The following COL26A1 variants were observed in gnomAD, a reference collection of about 807,000 sequenced individuals.
The protein encoded by COL26A1 is collagen type XXVI alpha 1 chain.
A neutral mutation model predicts 59.3 loss-of-function variants in COL26A1; 41 were observed. The observed-to-expected ratio is 0.69, with a 90% CI of 0.54 to 0.90. The LOEUF (loss-of-function observed/expected upper bound fraction) is 0.90, where lower values mean the gene tolerates loss of function less well. COL26A1 is among the 40% of genes least tolerant of loss of function. The pLI is 0.00. For missense variants in COL26A1, 612 were observed against 602.3 expected (o/e 1.02, Z -0.17); for synonymous variants, 266 against 256.0 (o/e 1.04, Z -0.37).
intron 1 of COL26A1, among the ~76,000 whole-genome samples, chr7:101,380,227 T>C (rs1791414913): frequency 6.6e-6 from 1 of 151,942 alleles, no homozygotes; most frequent in African/African-American, 2.4e-5. Flanking sequence ...CCTGACTTTA[T>C]GATCCACCTG....
intron 3 of COL26A1, among the ~76,000 whole-genome samples, chr7:101,489,609 C>CTTTCT (rs1342200367): frequency 9.9e-5 from 4 of 40,272 alleles, no homozygotes; most frequent in Non-Finnish European, 1.7e-4. Flanking sequence ...CTTTTTCTTT[C>CTTTCT]TTTCTTTCTT....
At chr7:101,465,966 A>G (rs1037356425) in intron 3 of COL26A1, among the ~76,000 whole-genome samples, 2 of 152,192 alleles carry the variant, frequency 1.3e-5, no homozygotes, top group African/African-American at 4.8e-5. Context: ...CTTTCCACCT[A>G]TCCAGGACTT....
chr7:101,400,759 A>G (rs1187993669), intron 1 of COL26A1, among the ~76,000 whole-genome samples: 1 of 151,962 alleles, frequency 6.6e-6, no homozygotes, highest in Non-Finnish European at 1.5e-5. Flanking sequence ...GGGTTTCACC[A>G]TGTTGGCCAG....
intron 1 of COL26A1, among the ~76,000 whole-genome samples, chr7:101,416,387 G>A (rs1474059840): frequency 7.0e-6 from 1 of 143,302 alleles, no homozygotes; most frequent in South Asian, 2.3e-4. Flanking sequence ...CACCCACCTC[G>A]GCCTCCCAAA....
rs1291303020 is a variant in COL26A1 at position 101,419,961 on chromosome 7, G to A, written c.159-16G>A. On this transcript the variant is annotated splice_polypyrimidine_tract_variant and intron_variant, in intron 1 of 12. Transcript: ENST00000313669. ...GGGAACAGGCAGGGCTCATGTGACT[G>A]TTGCTCTCTCCACAGGCACTGGTGC... The A allele has an allele frequency of 6.2e-7, 1 of 1,612,826 alleles. No individual in the cohort carries two copies. The highest frequency in any genetic ancestry group is 8.5e-7 in the Non-Finnish European group (1 of 1,179,632).
chr7:101,521,943 G>A (rs1795148611), intron 3 of COL26A1, among the ~76,000 whole-genome samples: 1 of 152,098 alleles, frequency 6.6e-6, no homozygotes, highest in Admixed American at 6.6e-5. Context: ...ACTGTTGCAT[G>A]TGGTTTGCCT....
chr7:101,383,524 G>A (rs1791495415), intron 1 of COL26A1, among the ~76,000 whole-genome samples: 2 of 133,186 alleles, frequency 1.5e-5, no homozygotes, highest in South Asian at 2.8e-4. Context: ...GTGCCACCAC[G>A]CCTGGCTAAT....
chr7:101,527,877 G>A (rs1325859354), intron 3 of COL26A1, among the ~76,000 whole-genome samples: 5 of 152,058 alleles, frequency 3.3e-5, no homozygotes, highest in Admixed American at 2.6e-4. Flanking sequence ...AGAGTAGTTC[G>A]GGCAGGGCCT....
At chr7:101,380,065 C>T (rs1372464848) in intron 1 of COL26A1, among the ~76,000 whole-genome samples, 3 of 151,668 alleles carry the variant, frequency 2.0e-5, no homozygotes, top group African/African-American at 7.3e-5. Flanking sequence ...GATCTCGGCT[C>T]ACTGCAACCT....
chr7:101,443,585 A>C (rs1331999672), intron 2 of COL26A1, among the ~76,000 whole-genome samples: 1 of 152,192 alleles, frequency 6.6e-6, no homozygotes, highest in African/African-American at 2.4e-5. Flanking sequence ...TTTTGTCTTC[A>C]GGGGGACATT....
At chr7:101,495,803 G>A (rs1034548119) in intron 3 of COL26A1, among the ~76,000 whole-genome samples, 4 of 151,056 alleles carry the variant, frequency 2.6e-5, no homozygotes, top group African/African-American at 7.3e-5. Flanking sequence ...AACCAGAAAC[G>A]TGGCTCAAGG....
At chr7:101,483,633 AAGTAGGTGGGACTAC>A (rs890204201) in intron 3 of COL26A1, among the ~76,000 whole-genome samples, 1 of 151,512 alleles carries the variant, frequency 6.6e-6, no homozygotes, top group African/African-American at 2.4e-5. Context: ...TCAGCCTCCT[AAGTAGGTGGGACTAC>A]AGATGCATGC....
At chr7:101,489,798 C>CTTTCTTTCT in intron 3 of COL26A1, among the ~76,000 whole-genome samples, 1 of 1,752 alleles carries the variant, frequency 5.7e-4, no homozygotes, top group South Asian at 0.011. Context: ...TTCTTTCTTT[C>CTTTCTTTCT]TTTCTTTCTT....
intron 2 of COL26A1, among the ~76,000 whole-genome samples, chr7:101,445,592 C>T (rs993298395): frequency 1.8e-4 from 27 of 149,316 alleles, no homozygotes; most frequent in Non-Finnish European, 4.0e-4. Context: ...ATTGGCCGGG[C>T]GTGGTGGCGG....
intron 1 of COL26A1, among the ~76,000 whole-genome samples, chr7:101,393,111 T>C (rs1049257699): frequency 6.6e-6 from 1 of 151,770 alleles, no homozygotes. Context: ...CAAGCAGTTC[T>C]CCTGCCTCAG....
Position 101,557,822 on chromosome 7 carries a change from A to G in COL26A1, c.*292A>G. Reference sequence around the variant, plus strand: ...AATGAGAATAATCCTAATACCCATCATTTATTGAGTCCCTGCTGTAACTGG... The same window carrying G: ...AATGAGAATAATCCTAATACCCATCGTTTATTGAGTCCCTGCTGTAACTGG... On this transcript the variant is annotated 3_prime_UTR_variant, in exon 13 of 13. Transcript: ENST00000313669. 3.2e-6 allele frequency: 1 copy of G among 314,360 alleles called. No individual in the cohort carries two copies. Among genetic ancestry groups the G allele is most frequent in the Non-Finnish European group, 5.8e-6 (1 of 171,372 alleles). 19.5% of individuals were successfully genotyped at this position (314,360 alleles called of 1,614,324 possible).
intron 3 of COL26A1, among the ~76,000 whole-genome samples, chr7:101,476,142 TTG>T (rs56666965): frequency 0.072 from 10,574 of 145,918 alleles, 918 homozygotes; most frequent in African/African-American, 0.21. Flanking sequence ...TCCCAGCTAA[TTG>T]TGTGTGTGTG....
chr7:101,425,709 G>T (rs1420186515), intron 2 of COL26A1, among the ~76,000 whole-genome samples: 1 of 151,796 alleles, frequency 6.6e-6, no homozygotes, highest in Non-Finnish European at 1.5e-5. Flanking sequence ...CACCATGTTG[G>T]CCATGTCGGT....
intron 1 of COL26A1, among the ~76,000 whole-genome samples, chr7:101,392,186 G>A (rs1019519268): frequency 1.3e-5 from 2 of 152,074 alleles, no homozygotes; most frequent in Non-Finnish European, 2.9e-5. Context: ...GGGCTGGGCC[G>A]TGAGGGTGGC....
Sources: gnomAD v4.1 joint callset for allele counts (sites outside exome capture counted in the v4.1 genomes callset) on GRCh38, gnomAD v4.1.1 for gene constraint, MANE v1.5 for transcripts, NCBI Gene and HGNC (gene_info 2026-07-23, HGNC 2026-07-21) for gene names.